GRK1: variants seen among roughly 807,000 people sequenced by gnomAD.
GRK1 encodes the protein rhodopsin kinase GRK1.
A neutral mutation model predicts 41.7 loss-of-function variants in GRK1; 28 were observed. The ratio of observed to expected loss-of-function variants is 0.67; its 90% CI spans 0.50 to 0.92. The LOEUF (loss-of-function observed/expected upper bound fraction) is 0.92, where lower values mean the gene tolerates loss of function less well. Among genes scored for constraint, GRK1 ranks in the 40% least tolerant of loss-of-function variants. GRK1 has a pLI of 0.00. For synonymous variants in GRK1, 327 were observed against 286.7 expected (o/e 1.14, Z -1.42); for missense variants, 703 against 671.2 (o/e 1.05, Z -0.52).
rs901161754 is a variant in GRK1, at chr13:113,737,375, A to G, written c.*2012A>G. The G allele has an allele frequency of 3.2e-5, 4 of 124,252 alleles. No homozygotes were observed. Among genetic ancestry groups the G allele is most frequent in the Non-Finnish European group, 6.6e-5 (4 of 60,558 alleles). The allele number at this position is 124,252 out of a possible 1,614,324, so 7.7% of individuals were successfully genotyped here. A position where few individuals can be genotyped will look rare whatever the true frequency, so the allele number is the denominator to read the frequency against. ...GGGTGAGGAGCATGTCTTCCCATAG[A>G]TCCCACGTCGGCCACACCCTGGGTG... On this transcript the variant is annotated 3_prime_UTR_variant, in exon 7 of 7. Transcript: ENST00000335678.
At chr13:113,670,417 T>C (rs1417191091) in intron 2 of GRK1, among the ~76,000 whole-genome samples, 3 of 152,168 alleles carry the variant, frequency 2.0e-5, no homozygotes, top group African/African-American at 7.2e-5. Context: ...AGAGATAATA[T>C]CTGAGTCCAG....
At chr13:113,670,936 G>A (rs1007108727) in intron 2 of GRK1, among the ~76,000 whole-genome samples, 3 of 152,162 alleles carry the variant, frequency 2.0e-5, no homozygotes, top group East Asian at 1.9e-4. Context: ...CTTGTGGTCC[G>A]CCTGGCTCCA....
the GRK1 span, among the ~76,000 whole-genome samples, chr13:113,661,495 AAAAC>A: frequency 6.0e-4 from 92 of 152,228 alleles, 2 homozygotes; most frequent in South Asian, 0.017. Context: ...AGCAGCAACA[AAAAC>A]AAGCAGAAGG....
the GRK1 span, chr13:113,650,412 T>C: frequency 6.2e-7 from 1 of 1,613,784 alleles, no homozygotes; most frequent in Non-Finnish European, 8.5e-7. This position sits in a 1 kb window ranked among gnomAD's most constrained non-coding sequence, Gnocchi z 5.0. Flanking sequence ...CTACCTGGGC[T>C]TTCTTCCCGT....
Position 113,731,409 on chromosome 13 carries a change from C to A in GRK1, c.1194+66C>A. On this transcript the variant is annotated intron_variant, in intron 5 of 6. Transcript: ENST00000335678. The surrounding 1 kb of genome is among the most constrained non-coding windows in gnomAD (Gnocchi z 5.6). ...GCCCTGGCTCTCGATGGGGACGGGG[C>A]AGTGATGGGATCGTTACTGGGGCAG... The A allele has an allele frequency of 6.5e-7, 1 of 1,528,642 alleles. No individual in the cohort carries two copies. Among genetic ancestry groups the A allele is most frequent in the Non-Finnish European group, 8.8e-7 (1 of 1,142,082 alleles). The allele number at this position is 1,528,642 out of a possible 1,614,324, so 94.7% of individuals were successfully genotyped here.
intron 6 of GRK1, among the ~76,000 whole-genome samples, chr13:113,733,668 T>TGC (rs1187435587): frequency 0.022 from 2,021 of 90,190 alleles, 108 homozygotes; most frequent in Non-Finnish European, 0.033. Context: ...TGTGCGTGTG[T>TGC]GCACGTGTGT....
intron 4 of GRK1, among the ~76,000 whole-genome samples, chr13:113,729,730 C>G (rs1487341126): frequency 6.6e-6 from 1 of 152,194 alleles, no homozygotes; most frequent in African/African-American, 2.4e-5. Flanking sequence ...TGACGGTCCC[C>G]ACAGCTGTGC....
Position 113,723,120 on chromosome 13 carries a change from C to A in GRK1, c.1032C>A (p.Asp344Glu). 1 of 701,594 alleles carries A rather than the reference C, an allele frequency of 1.4e-6. No individual in the cohort carries two copies. Among genetic ancestry groups the A allele is most frequent in the East Asian group, 2.7e-5 (1 of 37,120 alleles). The allele number at this position is 701,594 out of a possible 1,614,324, so 43.5% of individuals were successfully genotyped here. A position where few individuals can be genotyped will look rare whatever the true frequency, so the allele number is the denominator to read the frequency against. The part of the protein sequence containing the change: ...SDLGLAVELL[D>E]GQSKTKGYAG... ...TTGGGCTGGCCGTGGAGCTGCTGGACGGACAGAGCAAGACCAAGGGCTACG... is the reference window on the plus strand; with the variant it reads ...TTGGGCTGGCCGTGGAGCTGCTGGAAGGACAGAGCAAGACCAAGGGCTACG... The change falls in exon 4 of 7, where the codon GAC becomes GAA. Residue 344 changes from aspartate to glutamate, a missense_variant. Transcript: ENST00000335678.
chr13:113,669,711 C>A lies in GRK1; in HGVS notation c.724C>A (p.Leu242Met). ...YQGAMVEKKI[L>M]MKVHSRFIVS... is the part of the protein sequence containing the mutation. ...GGGTGCTATGGTGGAGAAGAAGATT[C>A]TGATGAAAGTACACAGCAGGTTCAT... The change falls in exon 2 of 7, where the codon CTG becomes ATG. Residue 242 changes from leucine to methionine, a missense_variant. Physicochemically the swap from Leu to Met is conservative, Grantham distance 15. Transcript: ENST00000335678. 6.2e-7 allele frequency: 1 copy of A among 1,613,978 alleles called. No individual in the cohort carries two copies. The highest frequency in any genetic ancestry group is 8.5e-7 in the Non-Finnish European group (1 of 1,179,876).
At chr13:113,662,157 G>T in the GRK1 span, among the ~76,000 whole-genome samples, 93 of 152,330 alleles carry the variant, frequency 6.1e-4, 1 homozygote, top group South Asian at 2.1e-3. Flanking sequence ...TGCAAGGCTG[G>T]TTCAGTATTC....
Position 113,735,658 on chromosome 13 carries a change from A to C in GRK1, c.*295A>C. The stretch of plus-strand genomic sequence containing the variant: ...GAGGGAGTAAGCCAAAAATCTACAA[A>C]CTCTTAGGGAGCCTCCTGCATTGGT... On this transcript the variant is annotated 3_prime_UTR_variant, in exon 7 of 7. Coordinates refer to ENST00000335678, the MANE Select transcript of GRK1 (RefSeq NM_002929.3). 3.4e-6 allele frequency: 1 copy of C among 297,048 alleles called. No individual in the cohort carries two copies. Among genetic ancestry groups the C allele is most frequent in the Non-Finnish European group, 6.2e-6 (1 of 160,954 alleles). 18.4% of individuals were successfully genotyped at this position (297,048 alleles called of 1,614,324 possible). A position where few individuals can be genotyped will look rare whatever the true frequency, so the allele number is the denominator to read the frequency against.
chr13:113,665,421 C>T (rs1338063617), upstream of GRK1, among the ~76,000 whole-genome samples: 2 of 137,160 alleles, frequency 1.5e-5, no homozygotes, highest in Admixed American at 1.4e-4. Context: ...CCCAGCTGTC[C>T]CAGGTGTGTC....
the GRK1 span, among the ~76,000 whole-genome samples, chr13:113,649,853 T>A: frequency 3.3e-5 from 5 of 152,150 alleles, no homozygotes; most frequent in African/African-American, 4.8e-5. This position sits in a 1 kb window ranked among gnomAD's most constrained non-coding sequence, Gnocchi z 4.7. Flanking sequence ...TGCAGTTGTT[T>A]TAGAGGATCT....
chr13:113,658,010 G>T, the GRK1 span: 1 of 1,567,734 alleles, frequency 6.4e-7, no homozygotes, highest in South Asian at 1.1e-5. Flanking sequence ...CATGCACCCA[G>T]CCGGCCCGCC....
rs915154257 is a variant in GRK1 at position 113,731,383 on chromosome 13, C to T, written c.1194+40C>T. On this transcript the variant is annotated intron_variant, in intron 5 of 6. Transcript: ENST00000335678. This position sits in a 1 kb window ranked among gnomAD's most constrained non-coding sequence, Gnocchi z 5.6. Reference sequence around the variant, plus strand: ...GCAGGTGTCTCTGCAGCCACCTTGGCGCCCTGGCTCTCGATGGGGACGGGG... The same window carrying T: ...GCAGGTGTCTCTGCAGCCACCTTGGTGCCCTGGCTCTCGATGGGGACGGGG... 3.2e-5 allele frequency: 49 copies of T among 1,535,472 alleles called. No homozygotes were observed. Among genetic ancestry groups the T allele is most frequent in the Middle Eastern group, 1.7e-4 (1 of 6,002 alleles).
Position 113,667,224 on chromosome 13 carries a change from TC to T in GRK1, c.-159del. The T allele has an allele frequency of 1.5e-6, 1 of 684,440 alleles. No individual in the cohort carries two copies. 42.4% of individuals were successfully genotyped at this position (684,440 alleles called of 1,614,324 possible). ...CGGGCTCCCAGGGGCTTCCCAGTGGTCCCCAGGAACCCTCGACAGGGCCAGG... is the reference window on the plus strand; with the variant it reads ...CGGGCTCCCAGGGGCTTCCCAGTGGTCCCAGGAACCCTCGACAGGGCCAGG... On this transcript the variant is annotated 5_prime_UTR_variant, in exon 1 of 7. Transcript: ENST00000335678. This position sits in a 1 kb window ranked among gnomAD's most constrained non-coding sequence, Gnocchi z 7.5.
intron 4 of GRK1, among the ~76,000 whole-genome samples, chr13:113,728,409 A>G (rs1441217147): frequency 6.9e-6 from 1 of 144,200 alleles, no homozygotes; most frequent in Non-Finnish European, 1.5e-5. Context: ...AGGAGTACCC[A>G]TGGTGATGAG....
rs570779484 is a variant in GRK1 at position 113,723,811 on chromosome 13, TGTGTGCCC to T, written c.1069+655_1069+662del. ...GTGTCTGTGTGCCTGCATGTGTGCC[TGTGTGCCC>T]ATGCCTGTGTCTCTGTGCACACGTG... On this transcript the variant is annotated intron_variant, in intron 4 of 6. Transcript: ENST00000335678. 8.8e-3 allele frequency among the ~76,000 whole-genome samples: 1,321 copies of T among 150,872 alleles called. 8 individuals are homozygous for T. The highest frequency in any genetic ancestry group is 0.013 in the Admixed American group (194 of 15,196).
In GRK1 at chr13:113,733,626, CGT is replaced by C. The variant is rs1241472890; in HGVS notation, c.1396+547_1396+548del. ...GTGCGCATGTGTATGTGTGTGCATACGTGTGTGCTCATGTATGTGTGCATACG... is the reference window on the plus strand; with the variant it reads ...GTGCGCATGTGTATGTGTGTGCATACGTGTGCTCATGTATGTGTGCATACG... On this transcript the variant is annotated intron_variant, in intron 6 of 6. Transcript: ENST00000335678. Among the ~76,000 whole-genome samples the C allele has an allele frequency of 2.5e-4, 34 of 135,818 alleles. 1 individual carries two copies. Among genetic ancestry groups the C allele is most frequent in the African/African-American group, 7.0e-4 (24 of 34,518 alleles). 89.1% of individuals were successfully genotyped at this position (135,818 alleles called of 152,430 possible). A position where few individuals can be genotyped will look rare whatever the true frequency, so the allele number is the denominator to read the frequency against.
Sources: gnomAD v4.1 joint callset for allele counts (sites outside exome capture counted in the v4.1 genomes callset) on GRCh38, gnomAD v4.1.1 for gene constraint, Gnocchi (gnomAD v3.1) non-coding constraint, MANE v1.5 for transcripts, NCBI Gene and HGNC (gene_info 2026-07-23, HGNC 2026-07-21) for gene names.